Variants in TEX12 observed in about 807,000 individuals in gnomAD.
TEX12 encodes the protein testis-expressed protein 12.
TEX12 carries 7 observed loss-of-function variants against 14.6 expected under a neutral mutation model. That is an observed-to-expected ratio of 0.48 (90% CI 0.27 to 0.90). TEX12 has a LOEUF of 0.90. Among genes scored for constraint, TEX12 ranks in the 40% least tolerant of loss-of-function variants. The pLI is 0.12. For missense variants in TEX12, 121 were observed against 135.7 expected, an observed-to-expected ratio of 0.89 and a Z score of 0.54; for synonymous variants, 57 against 49.1, an observed-to-expected ratio of 1.16 and a Z score of -0.67.
At chr11:112,170,587 T>A (rs746777351) in intron 3 of TEX12, 36 bp from the exon 4 acceptor site, 8 of 1,596,702 alleles carry the variant, frequency 5.0e-6, no homozygotes, top group Non-Finnish European at 6.9e-6. Context: ...AGAAGGTTTG[T>A]TATATTTTAT....
At position 112,172,452 on chromosome 11, in the gene TEX12, A is replaced by C. The variant is rs1317290049; in HGVS notation, c.*536A>C. 1 of 152,012 alleles carries C rather than the reference A, an allele frequency of 6.6e-6. No homozygotes were observed. The highest frequency in any genetic ancestry group is 2.1e-4 in the South Asian group (1 of 4,818). The allele number at this position is 152,012 out of a possible 1,614,324, so 9.4% of individuals were successfully genotyped here. ...CATAACTGTGTGCTATTTCCATTTGATTATTTTCACTATTAGTTATTATGT... is the reference window on the plus strand; with the variant it reads ...CATAACTGTGTGCTATTTCCATTTGCTTATTTTCACTATTAGTTATTATGT... On this transcript the variant is annotated 3_prime_UTR_variant, in exon 5 of 5. Transcript: ENST00000280358.
intron 4 of TEX12, among the ~76,000 whole-genome samples, chr11:112,171,127 A>G (rs1390151955): frequency 2.0e-5 from 3 of 152,096 alleles, no homozygotes; most frequent in African/African-American, 7.2e-5. Context: ...TTGTGTCTGT[A>G]CTGAACATGT....
intron 4 of TEX12, 132 bp downstream of exon 4, chr11:112,170,806 C>G: frequency 1.5e-6 from 1 of 649,180 alleles, no homozygotes; most frequent in Non-Finnish European, 2.6e-6. Context: ...TATTCTACCT[C>G]AGTCCCTTAT....
Position 112,172,031 on chromosome 11 carries a change from G to T in TEX12, c.*115G>T. 1.3e-6 allele frequency: 1 copy of T among 767,436 alleles called. No homozygotes were observed. Among genetic ancestry groups the T allele is most frequent in the Non-Finnish European group, 1.9e-6 (1 of 540,526 alleles). The allele number at this position is 767,436 out of a possible 1,614,324, so 47.5% of individuals were successfully genotyped here. On this transcript the variant is annotated 3_prime_UTR_variant, in exon 5 of 5. Transcript: ENST00000280358. ...AAAGAAAATGTATATCTCGAATAGAGAAGGGGAAACTCCTTGAATTTCTAG... is the reference window on the plus strand; with the variant it reads ...AAAGAAAATGTATATCTCGAATAGATAAGGGGAAACTCCTTGAATTTCTAG...
At chr11:112,171,049 T>G (rs1866784447) in intron 4 of TEX12, among the ~76,000 whole-genome samples, 1 of 152,144 alleles carries the variant, frequency 6.6e-6, no homozygotes, top group Non-Finnish European at 1.5e-5. Context: ...CAGCCTTTCA[T>G]ATCCATGAAT....
rs1471724353 is a variant in TEX12, at chr11:112,171,984, C to G, written c.*68C>G. The G allele has an allele frequency of 8.2e-7, 1 of 1,215,558 alleles. No homozygotes were observed. Among genetic ancestry groups the G allele is most frequent in the Non-Finnish European group, 1.1e-6 (1 of 920,432 alleles). The allele number at this position is 1,215,558 out of a possible 1,614,324, so 75.3% of individuals were successfully genotyped here. On this transcript the variant is annotated 3_prime_UTR_variant, in exon 5 of 5. Transcript: ENST00000280358. ...TTATAATGAAAGAATGACATTTATG[C>G]TTTGAAAGCTCTCGAGTTGTTAAAG...
Position 112,172,003 on chromosome 11 carries a change from G to A in TEX12, c.*87G>A, listed in dbSNP as rs1472236023. Reference sequence around the variant, plus strand: ...TTTATGCTTTGAAAGCTCTCGAGTTGTTAAAGAAAATGTATATCTCGAATA... The same window carrying A: ...TTTATGCTTTGAAAGCTCTCGAGTTATTAAAGAAAATGTATATCTCGAATA... On this transcript the variant is annotated 3_prime_UTR_variant, in exon 5 of 5. Transcript: ENST00000280358. 9.1e-7 allele frequency: 1 copy of A among 1,094,198 alleles called. No individual in the cohort carries two copies. Among genetic ancestry groups the A allele is most frequent in the Non-Finnish European group, 1.2e-6 (1 of 820,944 alleles). 67.8% of individuals were successfully genotyped at this position (1,094,198 alleles called of 1,614,324 possible).
chr11:112,171,139 C>T (rs773908717), intron 4 of TEX12, among the ~76,000 whole-genome samples: 2 of 151,936 alleles, frequency 1.3e-5, no homozygotes, highest in Non-Finnish European at 2.9e-5. Context: ...TGAACATGTA[C>T]AGACATTTTT....
chr11:112,168,354 T>C (rs957412434), intron 1 of TEX12, among the ~76,000 whole-genome samples: 2 of 152,116 alleles, frequency 1.3e-5, no homozygotes, highest in Non-Finnish European at 1.5e-5. Context: ...AAAGTAAAAT[T>C]TGAAGCTACT....
intron 4 of TEX12, among the ~76,000 whole-genome samples, chr11:112,170,981 T>C (rs1866783547): frequency 6.6e-6 from 1 of 152,106 alleles, no homozygotes; most frequent in Non-Finnish European, 1.5e-5. Flanking sequence ...GAAAAATGTT[T>C]GATGAAATTA....
Position 112,170,686 on chromosome 11 carries a change from T to C in TEX12, c.227+12T>C, listed in dbSNP as rs188352044. The C allele has an allele frequency of 1.1e-4, 175 of 1,597,724 alleles. No homozygotes were observed. In the African/African-American group the frequency reaches 1.9e-3, roughly 17 times the overall value. On this transcript the variant is annotated intron_variant, in intron 4 of 4. Transcript: ENST00000280358. ...GCAAAGCTTTTAAGGCAAGTACTTA[T>C]AGTATATTCTCTGGGGTCTTTATGT...
chr11:112,168,801 C>T (rs949233711), intron 1 of TEX12, among the ~76,000 whole-genome samples: 1 of 152,282 alleles, frequency 6.6e-6, no homozygotes, highest in East Asian at 1.9e-4. Flanking sequence ...ATCTTCCTGC[C>T]TCAGCTTCCC....
intron 2 of TEX12, among the ~76,000 whole-genome samples, chr11:112,169,895 G>A (rs1376627488): frequency 1.3e-5 from 2 of 152,216 alleles, no homozygotes; most frequent in African/African-American, 4.8e-5. Flanking sequence ...TTAAGGCTGG[G>A]CGCATTGGCT....
chr11:112,171,727 T>G, intron 4 of TEX12, 45 bp from the exon 5 acceptor site: 1 of 1,198,526 alleles, frequency 8.3e-7, no homozygotes, highest in Non-Finnish European at 1.1e-6. Flanking sequence ...ATAATGATGT[T>G]GTTTATATCT....
At chr11:112,169,448 A>C (rs1866765839) in intron 2 of TEX12, 117 bp downstream of exon 2, 6 of 766,340 alleles carry the variant, frequency 7.8e-6, no homozygotes. Flanking sequence ...GTATGCCCAG[A>C]GCTAGGATTG....
intron 2 of TEX12, 119 bp downstream of exon 2, chr11:112,169,450 C>G (rs956510361): frequency 9.4e-5 from 71 of 752,482 alleles, no homozygotes; most frequent in Non-Finnish European, 1.5e-4. Context: ...ATGCCCAGAG[C>G]TAGGATTGTC....
At chr11:112,170,350 A>T in intron 2 of TEX12, 69 bp from the exon 3 acceptor site, 2 of 1,069,208 alleles carry the variant, frequency 1.9e-6, no homozygotes, top group Non-Finnish European at 2.7e-6. Context: ...GCTTTTTCTT[A>T]ATAAACAAAA....
intron 2 of TEX12, 46 bp from the exon 3 acceptor site, chr11:112,170,373 G>A (rs760847096): frequency 5.4e-6 from 7 of 1,299,240 alleles, no homozygotes; most frequent in Non-Finnish European, 7.6e-6. Flanking sequence ...TATATGTCCT[G>A]AAGATCTTAT....
intron 2 of TEX12, among the ~76,000 whole-genome samples, chr11:112,170,002 C>T (rs1358254663): frequency 6.6e-6 from 1 of 152,050 alleles, no homozygotes; most frequent in Non-Finnish European, 1.5e-5. Context: ...AATACATTGT[C>T]TCTGAAAACA....
Sources: allele counts gnomAD v4.1 joint callset (sites outside exome capture counted in the v4.1 genomes callset), GRCh38; gene constraint gnomAD v4.1.1; transcripts MANE v1.5; gene names NCBI Gene and HGNC (gene_info 2026-07-23, HGNC 2026-07-21).